DCTN2: variants seen among roughly 807,000 people sequenced by gnomAD.
The protein encoded by DCTN2 is 50 kDa dynein-associated polypeptide.
A neutral mutation model predicts 55.4 loss-of-function variants in DCTN2; 18 were observed. The observed-to-expected ratio is 0.32, with a 90% confidence interval of 0.22 to 0.48. DCTN2 has a LOEUF of 0.48. DCTN2 is among the 20% of genes least tolerant of loss of function. DCTN2 has a pLI of 0.99. For synonymous variants in DCTN2, 168 were observed against 185.2 expected (o/e 0.91, Z 0.76); for missense variants, 390 against 491.0 (o/e 0.79, Z 1.94).
chr12:57,540,163 A>G (rs770004949), intron 2 of DCTN2: 297 of 976,384 alleles, frequency 3.0e-4, no homozygotes, highest in Admixed American at 4.9e-4. Flanking sequence ...AAGTGCAAAC[A>G]TGCAAACACA....
intron 2 of DCTN2, chr12:57,543,316 T>G (rs1880858895): frequency 5.3e-6 from 1 of 187,096 alleles, no homozygotes; most frequent in African/African-American, 2.5e-5. Context: ...GCCACTGCAC[T>G]CCAGCCTGGG....
rs1027056390 is a variant in DCTN2, at chr12:57,535,427, T to A, written c.264+57A>T. The A allele has an allele frequency of 1.9e-6, 3 of 1,592,728 alleles. No homozygotes were observed. In the African/African-American group the frequency reaches 4.0e-5, roughly 21 times the overall value. On this transcript the variant is annotated intron_variant, in intron 4 of 13. Coordinates refer to ENST00000548249, the MANE Select transcript of DCTN2 (RefSeq NM_001261413.2). ...TATCCCTTGATCTCCCTACTACATG[T>A]CTGCTAGATAGGGTCACTACACCAT...
In DCTN2 at chr12:57,541,249, AG is replaced by A. The variant is rs1172685671; in HGVS notation, c.105+4778del. The A allele has an allele frequency of 2.3e-6, 3 of 1,283,900 alleles. No individual in the cohort carries two copies. The African/African-American group carries it at 4.4e-5, about 19-fold the overall frequency. The allele number at this position is 1,283,900 out of a possible 1,614,324, so 79.5% of individuals were successfully genotyped here. A position where few individuals can be genotyped will look rare whatever the true frequency, so the allele number is the denominator to read the frequency against. On this transcript the variant is annotated intron_variant, in intron 2 of 13. Coordinates refer to ENST00000548249, the MANE Select transcript of DCTN2 (RefSeq NM_001261413.2). ...CAGCAGGCCCCTCAGTGACCCAGCC[AG>A]GGACTCACTGGAATTTAAAACGATT...
At chr12:57,543,824 T>C (rs1269278092) in intron 2 of DCTN2, 3 of 1,289,584 alleles carry the variant, frequency 2.3e-6, no homozygotes, top group Non-Finnish European at 3.0e-6. Context: ...CTGGGCAACA[T>C]GCCACAGGAA....
intron 9 of DCTN2, 83 bp from the exon 10 acceptor site, chr12:57,532,893 A>G: frequency 6.3e-7 from 1 of 1,595,610 alleles, no homozygotes; most frequent in Non-Finnish European, 8.6e-7. Flanking sequence ...AAATTAATAT[A>G]TAGCTACAAA....
chr12:57,540,067 T>A (rs1329742062), intron 2 of DCTN2: 1 of 983,684 alleles, frequency 1.0e-6, no homozygotes, highest in Non-Finnish European at 1.2e-6. Context: ...AAAAAAAAAT[T>A]CCTCTTTCAG....
At chr12:57,532,395 G>C in intron 11 of DCTN2, 80 bp from the exon 12 acceptor site, 1 of 1,384,450 alleles carries the variant, frequency 7.2e-7, no homozygotes, top group Admixed American at 2.0e-5. Flanking sequence ...TCACCGTAAT[G>C]GGGGAAAGGA....
chr12:57,547,164 G>T lies in DCTN2; in HGVS notation c.-101C>A. On this transcript the variant is annotated 5_prime_UTR_variant, in exon 1 of 14. Coordinates refer to ENST00000548249, the MANE Select transcript of DCTN2 (RefSeq NM_001261413.2). ...GTTCGGGTCCCGGGCTAAGGCGGCG[G>T]CAAAGGGAGCGGCAGATGAGCAGGA... The T allele has an allele frequency of 4.1e-6, 4 of 985,814 alleles. No homozygotes were observed. Among genetic ancestry groups the T allele is most frequent in the African/African-American group, 1.7e-5 (1 of 59,236 alleles). The allele number at this position is 985,814 out of a possible 1,614,324, so 61.1% of individuals were successfully genotyped here. A position where few individuals can be genotyped will look rare whatever the true frequency, so the allele number is the denominator to read the frequency against.
intron 1 of DCTN2, 42 bp downstream of exon 1, chr12:57,546,986 G>A (rs1251052838): frequency 7.8e-7 from 1 of 1,274,080 alleles, no homozygotes; most frequent in Non-Finnish European, 1.0e-6. Flanking sequence ...TTGGGAGGTC[G>A]GGGGCGCGGT....
In DCTN2 at chr12:57,533,218, T is replaced by G. The variant is rs1238784050; in HGVS notation, c.735+20A>C. Reference sequence around the variant, plus strand: ...GTTGCAGGATCTAAGGCTCAGATTATGTACAGGAGAACACCTGACCTGAGC... The same window carrying G: ...GTTGCAGGATCTAAGGCTCAGATTAGGTACAGGAGAACACCTGACCTGAGC... On this transcript the variant is annotated intron_variant, in intron 8 of 13. Transcript: ENST00000548249. The G allele has an allele frequency of 1.9e-6, 3 of 1,612,612 alleles. No individual in the cohort carries two copies. In the African/African-American group the frequency reaches 4.0e-5, roughly 22 times the overall value.
Position 57,532,759 on chromosome 12 carries a change from A to G in DCTN2, c.826T>C (p.Leu276=), listed in dbSNP as rs1330476079. The G allele has an allele frequency of 6.2e-7, 1 of 1,613,926 alleles. No homozygotes were observed. The highest frequency in any genetic ancestry group is 1.7e-5 in the Admixed American group (1 of 60,018). Residue 276 remains leucine, a synonymous_variant, in exon 10 of 14, where the codon TTG becomes CTG. Coordinates refer to ENST00000548249, the MANE Select transcript of DCTN2 (RefSeq NM_001261413.2). ...AKVSALDLAV[L]DQVEARLQSV... Reference sequence around the variant, plus strand: ...TGTAGCCGAGCCTCCACTTGATCCAAAACTGCAAGGTCTAGGGCGCTCACC... The same window carrying G: ...TGTAGCCGAGCCTCCACTTGATCCAGAACTGCAAGGTCTAGGGCGCTCACC...
At chr12:57,530,850 C>T in intron 13 of DCTN2, 75 bp from the exon 14 acceptor site, 1 of 1,267,274 alleles carries the variant, frequency 7.9e-7, no homozygotes, top group South Asian at 1.2e-5. Flanking sequence ...AAGGAATTCT[C>T]TGAGAGAGAA....
chr12:57,541,448 C>CA, intron 2 of DCTN2: 1 of 1,464,248 alleles, frequency 6.8e-7, no homozygotes, highest in Middle Eastern at 1.7e-4. Context: ...TCAAGTGCGC[C>CA]AACAGTCAAT....
In DCTN2 at chr12:57,547,059, G is replaced by A; in HGVS notation, c.5C>T (p.Ala2Val). Residue 2 changes from alanine to valine, a missense_variant, in exon 1 of 14, where the codon GCG (alanine) becomes GTG (valine). Physicochemically the swap from Ala to Val is moderately conservative, Grantham distance 64 (BLOSUM62 0). Coordinates refer to ENST00000548249, the MANE Select transcript of DCTN2 (RefSeq NM_001261413.2). M[A>V]DPKYADLPGI... ...GGGAAGGTCGGCGTATTTAGGGTCC[G>A]CCATGGCGGCGGCGAGACGGGCTGG... is the stretch of plus-strand genomic sequence containing the variant. 1.6e-6 allele frequency: 2 copies of A among 1,277,522 alleles called. No homozygotes were observed. The highest frequency in any genetic ancestry group is 2.0e-6 in the Non-Finnish European group (2 of 1,004,170). The allele number at this position is 1,277,522 out of a possible 1,614,324, so 79.1% of individuals were successfully genotyped here. A position where few individuals can be genotyped will look rare whatever the true frequency, so the allele number is the denominator to read the frequency against.
intron 9 of DCTN2, 63 bp from the exon 10 acceptor site, chr12:57,532,873 A>G: frequency 3.7e-6 from 6 of 1,603,096 alleles, no homozygotes; most frequent in Non-Finnish European, 5.1e-6. Context: ...GAGGCCTCCC[A>G]TATTCCACTA....
chr12:57,543,907 G>C (rs1257198301), intron 2 of DCTN2: 2 of 1,067,098 alleles, frequency 1.9e-6, no homozygotes, highest in Non-Finnish European at 2.5e-6. Flanking sequence ...TTCAGGCTCT[G>C]GGGGAGAAAC....
At chr12:57,531,829 A>G (rs993138086) in intron 13 of DCTN2, among the ~76,000 whole-genome samples, 186 bp downstream of exon 13, 1 of 152,226 alleles carries the variant, frequency 6.6e-6, no homozygotes, top group African/African-American at 2.4e-5. Flanking sequence ...AGATGGAAAG[A>G]TGGAGGTTCA....
At chr12:57,546,569 G>A (rs1285501771) in intron 1 of DCTN2, among the ~76,000 whole-genome samples, 2 of 151,794 alleles carry the variant, frequency 1.3e-5, no homozygotes, top group African/African-American at 4.8e-5. Flanking sequence ...GCTGGGGGAG[G>A]GCATAGGTTC....
chr12:57,533,523 G>A (rs1410955668), intron 7 of DCTN2, among the ~76,000 whole-genome samples: 1 of 152,200 alleles, frequency 6.6e-6, no homozygotes, highest in Non-Finnish European at 1.5e-5. Context: ...TGTAATCCCA[G>A]TGCTTTGGGA....
Sources: gnomAD v4.1 joint callset for allele counts (sites outside exome capture counted in the v4.1 genomes callset) on GRCh38, gnomAD v4.1.1 for gene constraint, MANE v1.5 for transcripts, NCBI Gene and HGNC (gene_info 2026-07-23, HGNC 2026-07-21) for gene names.